Variants in OSTC observed in about 807,000 individuals in gnomAD.
The protein encoded by OSTC is oligosaccharyltransferase complex non-catalytic subunit, also known as oligosaccharyltransferase complex subunit OSTC.
OSTC carries 16 observed loss-of-function variants against 16.4 expected under a neutral mutation model. The ratio of observed to expected loss-of-function variants is 0.98; its 90% CI spans 0.66 to 1.49. The LOEUF is 1.49. Among genes scored for constraint, OSTC ranks in the 40% most tolerant of loss-of-function variants. The pLI, the probability that OSTC is intolerant of heterozygous loss-of-function variation, is 0.00. For synonymous variants in OSTC, 67 were observed against 68.5 expected, an observed-to-expected ratio of 0.98 and a Z score of 0.11; for missense variants, 139 against 186.3, an observed-to-expected ratio of 0.75 and a Z score of 1.48.
chr4:108,655,478 A>G, intron 1 of OSTC, 86 bp from the exon 2 acceptor site: 1 of 882,290 alleles, frequency 1.1e-6, no homozygotes, highest in African/African-American at 1.8e-5. Context: ...AAAAAAGTAA[A>G]TGAACCTTAA....
At chr4:108,655,278 C>G (rs1726671308) in intron 1 of OSTC, among the ~76,000 whole-genome samples, 2 of 152,076 alleles carry the variant, frequency 1.3e-5, no homozygotes, top group African/African-American at 4.8e-5. Flanking sequence ...CCAGCCTGAC[C>G]AATATGGTGA....
Position 108,657,917 on chromosome 4 carries a change from C to CTTTTTTTTTTTTTT in OSTC, c.431+287_431+300dup, listed in dbSNP as rs70949037. On this transcript the variant is annotated intron_variant, in intron 3 of 3. Transcript: ENST00000361564. ...CAATGACTGAAGATAGTCATTGTTT[C>CTTTTTTTTTTTTTT]TTTTTTTTTTTTTTTTTTTTTTTTT... Among the ~76,000 whole-genome samples the CTTTTTTTTTTTTTT allele has an allele frequency of 1.2e-4, 8 of 67,202 alleles. 1 individual carries two copies. Among genetic ancestry groups the CTTTTTTTTTTTTTT allele is most frequent in the African/African-American group, 4.3e-4 (7 of 16,264 alleles). The allele number at this position is 67,202 out of a possible 152,430, so 44.1% of individuals were successfully genotyped here.
At chr4:108,655,918 C>T (rs1235157058) in intron 2 of OSTC, among the ~76,000 whole-genome samples, 1 of 151,996 alleles carries the variant, frequency 6.6e-6, no homozygotes, top group African/African-American at 2.4e-5. Flanking sequence ...ATAGATTGTT[C>T]TGGGGGTCAG....
chr4:108,666,298 C>A (rs1427892309), intron 3 of OSTC, among the ~76,000 whole-genome samples: 1 of 152,172 alleles, frequency 6.6e-6, no homozygotes, highest in African/African-American at 2.4e-5. Flanking sequence ...GATTTTGTTG[C>A]ACTTCTGAGA....
At chr4:108,665,470 C>T (rs1430509765) in intron 3 of OSTC, among the ~76,000 whole-genome samples, 4 of 115,688 alleles carry the variant, frequency 3.5e-5, no homozygotes, top group African/African-American at 9.7e-5. Flanking sequence ...TTTTTTGAGA[C>T]GGATTCTTGC....
In OSTC at chr4:108,667,443, T is replaced by A; in HGVS notation, c.*178T>A. 1 of 487,416 alleles carries A rather than the reference T, an allele frequency of 2.1e-6. No individual in the cohort carries two copies. The highest frequency in any genetic ancestry group is 3.6e-6 in the Non-Finnish European group (1 of 280,594). The allele number at this position is 487,416 out of a possible 1,614,324, so 30.2% of individuals were successfully genotyped here. A position where few individuals can be genotyped will look rare whatever the true frequency, so the allele number is the denominator to read the frequency against. On this transcript the variant is annotated 3_prime_UTR_variant, in exon 4 of 4. Coordinates refer to ENST00000361564, the MANE Select transcript of OSTC (RefSeq NM_021227.4). ...TTGGACTAGAATTTCTTCTTGGTATTAAAGAGACAAGTTTATCACAGAATT... is the reference window on the plus strand; with the variant it reads ...TTGGACTAGAATTTCTTCTTGGTATAAAAGAGACAAGTTTATCACAGAATT...
intron 3 of OSTC, among the ~76,000 whole-genome samples, chr4:108,660,770 A>T (rs545687193): frequency 5.3e-5 from 8 of 152,334 alleles, no homozygotes; most frequent in African/African-American, 1.9e-4. Context: ...GATGCCTTTG[A>T]AAAGGAGAAA....
At chr4:108,652,183 G>A (rs948059932) in intron 1 of OSTC, 1 of 152,038 alleles carries the variant, frequency 6.6e-6, no homozygotes, top group African/African-American at 2.4e-5. Context: ...ACTAAAATTG[G>A]AATGATAGGG....
At chr4:108,659,954 A>G (rs72893198) in intron 3 of OSTC, among the ~76,000 whole-genome samples, 261 of 152,310 alleles carry the variant, frequency 1.7e-3, no homozygotes, top group African/African-American at 5.9e-3. Context: ...CTTCCTAGGA[A>G]TGAGTCTATT....
chr4:108,657,879 T>TTTG (rs1324994716), intron 3 of OSTC, among the ~76,000 whole-genome samples: 1 of 151,704 alleles, frequency 6.6e-6, no homozygotes, highest in African/African-American at 2.4e-5. Context: ...ATTTAGTTAC[T>TTTG]TTGTCCTGGC....
intron 3 of OSTC, among the ~76,000 whole-genome samples, chr4:108,660,319 T>C (rs1726823505): frequency 6.6e-6 from 1 of 152,210 alleles, no homozygotes; most frequent in Non-Finnish European, 1.5e-5. Context: ...ATGGTTCCCT[T>C]TCTGATATCA....
chr4:108,653,081 G>A (rs1296232343), intron 1 of OSTC, among the ~76,000 whole-genome samples: 1 of 151,894 alleles, frequency 6.6e-6, no homozygotes, highest in Non-Finnish European at 1.5e-5. Flanking sequence ...GCCTGGTGGC[G>A]CACGCCTGTA....
rs766609412 is a variant in OSTC, at chr4:108,650,628, G to A, written c.-28G>A. On this transcript the variant is annotated 5_prime_UTR_variant, in exon 1 of 4. Coordinates refer to ENST00000361564, the MANE Select transcript of OSTC (RefSeq NM_021227.4). ...TTCCGGGAGGCGCGTGGGGCTTGAG[G>A]CCGAGAACGGCCCTTGCTGCCACCA... is the stretch of plus-strand genomic sequence containing the variant. The A allele has an allele frequency of 9.3e-6, 15 of 1,612,300 alleles. No individual in the cohort carries two copies. The highest frequency in any genetic ancestry group is 1.1e-5 in the Non-Finnish European group (13 of 1,178,810).
intron 3 of OSTC, among the ~76,000 whole-genome samples, chr4:108,659,508 C>G (rs764490267): frequency 6.6e-6 from 1 of 152,162 alleles, no homozygotes; most frequent in Non-Finnish European, 1.5e-5. Flanking sequence ...AAGGCTCATG[C>G]CTGTAATCCC....
chr4:108,650,644 G>T lies in OSTC; in HGVS notation c.-12G>T, dbSNP rs746736541. On this transcript the variant is annotated 5_prime_UTR_variant, in exon 1 of 4. Transcript: ENST00000361564. ...GGGCTTGAGGCCGAGAACGGCCCTTGCTGCCACCAACATGGAGACTTTGTA... is the reference window on the plus strand; with the variant it reads ...GGGCTTGAGGCCGAGAACGGCCCTTTCTGCCACCAACATGGAGACTTTGTA... The T allele has an allele frequency of 6.2e-7, 1 of 1,613,928 alleles. No individual in the cohort carries two copies. Among genetic ancestry groups the T allele is most frequent in the South Asian group, 1.1e-5 (1 of 91,082 alleles).
intron 1 of OSTC, among the ~76,000 whole-genome samples, chr4:108,652,444 A>G (rs139425450): frequency 3.3e-5 from 5 of 152,150 alleles, no homozygotes; most frequent in South Asian, 2.1e-4. Context: ...CTTTGTCCCA[A>G]CCATTGGGGG....
chr4:108,665,490 C>CAGGCTGG (rs1176953713), intron 3 of OSTC, among the ~76,000 whole-genome samples: 1 of 148,046 alleles, frequency 6.8e-6, no homozygotes, highest in African/African-American at 2.5e-5. Context: ...CACTGTTGCC[C>CAGGCTGG]AGGCTGGAGC....
At chr4:108,658,064 C>A (rs928479959) in intron 3 of OSTC, among the ~76,000 whole-genome samples, 2 of 151,086 alleles carry the variant, frequency 1.3e-5, no homozygotes, top group Non-Finnish European at 2.9e-5. Flanking sequence ...TCTGAGTAGC[C>A]AGGATTACAG....
At chr4:108,666,802 TC>T (rs1375609144) in intron 3 of OSTC, among the ~76,000 whole-genome samples, 1 of 150,310 alleles carries the variant, frequency 6.7e-6, no homozygotes, top group African/African-American at 2.5e-5. Flanking sequence ...AGTCAGGAGT[TC>T]CAGACCAACC....
Sources: gnomAD v4.1 joint callset for allele counts (sites outside exome capture counted in the v4.1 genomes callset) on GRCh38, gnomAD v4.1.1 for gene constraint, MANE v1.5 for transcripts, NCBI Gene and HGNC (gene_info 2026-07-23, HGNC 2026-07-21) for gene names.